The following FBXW11 variants were observed in gnomAD, a reference collection of about 807,000 sequenced individuals.
The protein encoded by FBXW11 is F-box and WD repeat domain containing 11.
Under a neutral mutation model 77.6 loss-of-function variants are expected in FBXW11, and 19 were observed. That is an observed-to-expected ratio of 0.24 (90% confidence interval 0.17 to 0.36). The LOEUF (loss-of-function observed/expected upper bound fraction) is 0.36. Ranked by LOEUF, FBXW11 falls within the 10% of genes least tolerant of loss-of-function variation. The pLI, the probability that FBXW11 is intolerant of heterozygous loss-of-function variation, is 1.00. For missense variants in FBXW11, 334 were observed against 704.2 expected (o/e 0.47, Z 5.95); for synonymous variants, 235 against 249.4 (o/e 0.94, Z 0.54).
At chr5:171,952,531 C>A (rs1180581563) in intron 2 of FBXW11, among the ~76,000 whole-genome samples, 8 of 138,680 alleles carry the variant, frequency 5.8e-5, no homozygotes, top group African/African-American at 2.1e-4. Flanking sequence ...CGGCTCACTG[C>A]AGCCGCCACC....
At chr5:171,887,268 C>T (rs1758970447) in intron 7 of FBXW11, among the ~76,000 whole-genome samples, 1 of 152,122 alleles carries the variant, frequency 6.6e-6, no homozygotes, top group South Asian at 2.1e-4. Context: ...TATCTTTTGG[C>T]AAACACTGCC....
chr5:171,993,557 G>A (rs768115470), intron 1 of FBXW11, among the ~76,000 whole-genome samples: 1 of 152,090 alleles, frequency 6.6e-6, no homozygotes, highest in African/African-American at 2.4e-5. Context: ...AGGTTGCAGT[G>A]AGCCACGATC....
chr5:171,883,887 GTGTT>G (rs1758699691), intron 7 of FBXW11, among the ~76,000 whole-genome samples: 1 of 152,114 alleles, frequency 6.6e-6, no homozygotes, highest in South Asian at 2.1e-4. Context: ...TGAGTTCATT[GTGTT>G]TGTTTTTTTC....
intron 2 of FBXW11, among the ~76,000 whole-genome samples, chr5:171,950,985 T>C (rs1763283016): frequency 6.6e-6 from 1 of 152,012 alleles, no homozygotes; most frequent in Non-Finnish European, 1.5e-5. Flanking sequence ...AAAACAAATA[T>C]ACAATGATAA....
At chr5:171,940,722 T>A (rs1321285992) in intron 2 of FBXW11, among the ~76,000 whole-genome samples, 1 of 152,094 alleles carries the variant, frequency 6.6e-6, no homozygotes, top group Non-Finnish European at 1.5e-5. Context: ...ACCCCGTCTG[T>A]ACTAAAAATA....
intron 2 of FBXW11, among the ~76,000 whole-genome samples, chr5:171,944,076 C>T (rs2113199042): frequency 6.6e-6 from 1 of 152,126 alleles, no homozygotes; most frequent in East Asian, 1.9e-4. Context: ...AGACTCTAAG[C>T]ACCCAAAGAA....
intron 1 of FBXW11, among the ~76,000 whole-genome samples, chr5:171,986,779 A>G (rs547435195): frequency 6.6e-6 from 1 of 152,278 alleles, no homozygotes; most frequent in South Asian, 2.1e-4. Flanking sequence ...ATGTTTGTGA[A>G]GCTCTACCTA....
At chr5:171,981,537 T>C (rs1267771093) in intron 1 of FBXW11, among the ~76,000 whole-genome samples, 2 of 152,118 alleles carry the variant, frequency 1.3e-5, no homozygotes, top group Non-Finnish European at 2.9e-5. Context: ...GTAAATACAG[T>C]CAGAATTGAA....
chr5:171,920,706 A>T (rs1344333617), intron 2 of FBXW11, among the ~76,000 whole-genome samples: 3 of 152,236 alleles, frequency 2.0e-5, no homozygotes, highest in African/African-American at 7.2e-5. Flanking sequence ...TCTATAAAAA[A>T]GCAATAATAC....
At chr5:171,948,234 CAAAAAAAAA>C (rs765248373) in intron 2 of FBXW11, among the ~76,000 whole-genome samples, 2 of 44,336 alleles carry the variant, frequency 4.5e-5, no homozygotes, top group Non-Finnish European at 1.0e-4. Context: ...GACTCCAACT[CAAAAAAAAA>C]AAAAAAAAAA....
chr5:171,977,594 G>C (rs1764909524), intron 1 of FBXW11: 1 of 451,682 alleles, frequency 2.2e-6, no homozygotes, highest in Non-Finnish European at 4.4e-6. Context: ...ACATACCTGA[G>C]ACTGGGCAAG....
At chr5:171,913,886 T>C (rs1347188784) in intron 3 of FBXW11, among the ~76,000 whole-genome samples, 2 of 130,390 alleles carry the variant, frequency 1.5e-5, no homozygotes, top group East Asian at 2.2e-4. Flanking sequence ...ACCTGGGAAA[T>C]TGGGAAGAAA....
At position 171,861,672 on chromosome 5, in the gene FBXW11, CA is replaced by C. The variant is rs1757104293; in HGVS notation, c.*2454del. 6.6e-6 allele frequency: 1 copy of C among 152,616 alleles called. No individual in the cohort carries two copies. Among genetic ancestry groups the C allele is most frequent in the Non-Finnish European group, 1.5e-5 (1 of 68,046 alleles). The allele number at this position is 152,616 out of a possible 1,614,324, so 9.5% of individuals were successfully genotyped here. ...TACTCGATTTATTGACATTACTTAG[CA>C]ATTTACTGGACAAAAGTCAAACTTT... On this transcript the variant is annotated 3_prime_UTR_variant, in exon 14 of 14. Coordinates refer to ENST00000517395, the MANE Select transcript of FBXW11 (RefSeq NM_001378974.1).
In FBXW11 at chr5:171,869,811, G is replaced by A; in HGVS notation, c.1452-4C>T. ...CAAGTCCCAAACTTTAATTTTCCTA[G>A]AAAGGAAAATGAGATGTGATTAGTG... On this transcript the variant is annotated splice_region_variant and splice_polypyrimidine_tract_variant and intron_variant, in intron 11 of 13. Transcript: ENST00000517395. The surrounding 1 kb of genome is among the most constrained non-coding windows in gnomAD (Gnocchi z 4.1). 6.3e-7 allele frequency: 1 copy of A among 1,597,550 alleles called. No individual in the cohort carries two copies. The highest frequency in any genetic ancestry group is 8.5e-7 in the Non-Finnish European group (1 of 1,169,782).
chr5:171,995,049 G>A (rs761705541), intron 1 of FBXW11, among the ~76,000 whole-genome samples: 10 of 152,132 alleles, frequency 6.6e-5, no homozygotes, highest in Non-Finnish European at 1.3e-4. Flanking sequence ...CAAGGATCAC[G>A]AAGTCAGAAT....
At chr5:171,915,615 G>GTGTGTGTGTGTGTGTGTGTGTA (rs1554100062) in intron 2 of FBXW11, among the ~76,000 whole-genome samples, 5 of 134,582 alleles carry the variant, frequency 3.7e-5, no homozygotes, top group Admixed American at 2.1e-4. Flanking sequence ...CACTCATTCT[G>GTGTGTGTGTGTGTGTGTGTGTA]TGTGTGTGTG....
chr5:171,990,381 G>C (rs1765670318), intron 1 of FBXW11, among the ~76,000 whole-genome samples: 1 of 152,270 alleles, frequency 6.6e-6, no homozygotes, highest in East Asian at 1.9e-4. Flanking sequence ...CAGGAAATAA[G>C]AGCACTGTTA....
At chr5:171,896,264 C>T (rs1581166012) in intron 6 of FBXW11, among the ~76,000 whole-genome samples, 1 of 152,226 alleles carries the variant, frequency 6.6e-6, no homozygotes, top group African/African-American at 2.4e-5. Context: ...AACTGGCAAC[C>T]TTGCAAAGTC....
chr5:171,983,598 C>T (rs1333862891), intron 1 of FBXW11, among the ~76,000 whole-genome samples: 2 of 152,026 alleles, frequency 1.3e-5, no homozygotes, highest in Admixed American at 1.3e-4. Flanking sequence ...AGCTGGTGCC[C>T]GCTGCAGAAC....
Sources: allele counts gnomAD v4.1 joint callset (sites outside exome capture counted in the v4.1 genomes callset), GRCh38; gene constraint gnomAD v4.1.1; non-coding constraint Gnocchi (gnomAD v3.1); transcripts MANE v1.5; gene names NCBI Gene and HGNC (gene_info 2026-07-23, HGNC 2026-07-21).